CFAP91: variants seen among roughly 807,000 people sequenced by gnomAD.
CFAP91 encodes cilia and flagella associated protein 91, also known as cilia- and flagella-associated protein 91.
In CFAP91, 85 loss-of-function variants were observed where a neutral mutation model predicts 95.9. The ratio of observed to expected loss-of-function variants is 0.89; its 90% CI spans 0.74 to 1.06. The LOEUF is 1.06. Ranked by LOEUF, CFAP91 falls within the 50% of genes least tolerant of loss-of-function variation. The pLI is 0.00. For missense variants in CFAP91, 962 were observed against 943.4 expected, an observed-to-expected ratio of 1.02 and a Z score of -0.26; for synonymous variants, 335 against 327.5, an observed-to-expected ratio of 1.02 and a Z score of -0.25.
At chr3:119,731,765 A>G (rs1160458649) in intron 8 of CFAP91, among the ~76,000 whole-genome samples, 1 of 151,980 alleles carries the variant, frequency 6.6e-6, no homozygotes, top group East Asian at 1.9e-4. Flanking sequence ...GGCGAGCATG[A>G]CTCTTTAGAT....
rs1193912630 is a variant in CFAP91 at position 119,733,433 on chromosome 3, A to C, written c.1271A>C (p.Lys424Thr). 6 of 1,614,030 alleles carry C rather than the reference A, an allele frequency of 3.7e-6. No homozygotes were observed. The highest frequency in any genetic ancestry group is 1.6e-4 in the Middle Eastern group (1 of 6,084). The change falls in exon 10 of 18, where the codon AAA (lysine) becomes ACA (threonine). Residue 424 changes from lysine (K) to threonine (T), a missense_variant. Physicochemically the swap from Lys to Thr is moderately conservative, Grantham distance 78. Coordinates refer to ENST00000273390, the MANE Select transcript of CFAP91 (RefSeq NM_033364.4). Reference protein sequence around the residue: ...TQPQIRAPKPKVITTKAGFLK... With the variant: ...TQPQIRAPKPTVITTKAGFLK... ...CCCCAAATCAGAGCTCCAAAACCTA[A>C]AGTCATTACCACCAAAGCTGGTTTT... is the stretch of plus-strand genomic sequence containing the variant.
chr3:119,755,577 GA>G (rs2107918941), intron 17 of CFAP91, among the ~76,000 whole-genome samples: 2 of 152,214 alleles, frequency 1.3e-5, no homozygotes, highest in East Asian at 3.9e-4. Context: ...TAGATGACAG[GA>G]AGAGAACTCT....
At chr3:119,758,787 C>A (rs1441347944) in intron 17 of CFAP91, among the ~76,000 whole-genome samples, 1 of 152,002 alleles carries the variant, frequency 6.6e-6, no homozygotes, top group African/African-American at 2.4e-5. Context: ...AGGGAAAAAT[C>A]TCATTTTCAA....
In CFAP91 at chr3:119,766,025, A is replaced by C. The variant is rs779882550; in HGVS notation, c.*975A>C. 8 of 152,166 alleles carry C rather than the reference A, an allele frequency of 5.3e-5. No homozygotes were observed. The highest frequency in any genetic ancestry group is 1.2e-4 in the Non-Finnish European group (8 of 68,046). 9.4% of individuals were successfully genotyped at this position (152,166 alleles called of 1,614,324 possible). A position where few individuals can be genotyped will look rare whatever the true frequency, so the allele number is the denominator to read the frequency against. ...ATAGATGCAGGCTGAAAAGAAAAGG[A>C]AGTGGGCTAAGATGGGAAAAATATA... On this transcript the variant is annotated 3_prime_UTR_variant, in exon 18 of 18. Coordinates refer to ENST00000273390, the MANE Select transcript of CFAP91 (RefSeq NM_033364.4).
intron 6 of CFAP91, among the ~76,000 whole-genome samples, chr3:119,725,969 G>C (rs2053774191): frequency 6.6e-6 from 1 of 152,114 alleles, no homozygotes; most frequent in Admixed American, 6.5e-5. Flanking sequence ...ATGTCTTACG[G>C]CTCAATTACT....
chr3:119,708,210 G>A (rs969964239), intron 3 of CFAP91, among the ~76,000 whole-genome samples: 2 of 149,940 alleles, frequency 1.3e-5, no homozygotes, highest in Non-Finnish European at 2.9e-5. Flanking sequence ...GAACCCAGGA[G>A]GTGGAGATTG....
chr3:119,744,298 T>TACAGTAGGAACTCAA, intron 14 of CFAP91, 102 bp downstream of exon 14: 1 of 896,604 alleles, frequency 1.1e-6, no homozygotes, highest in Non-Finnish European at 1.7e-6. Flanking sequence ...TGTTTATGCA[T>TACAGTAGGAACTCAA]TGAGTTCCTA....
At chr3:119,748,238 C>G (rs1224371216) in intron 16 of CFAP91, among the ~76,000 whole-genome samples, 2 of 152,120 alleles carry the variant, frequency 1.3e-5, no homozygotes, top group East Asian at 3.8e-4. Context: ...AAGATTTTCA[C>G]ATTGTAGCAG....
intron 12 of CFAP91, 93 bp from the exon 13 acceptor site, chr3:119,740,456 A>T: frequency 7.0e-7 from 1 of 1,428,566 alleles, no homozygotes; most frequent in Non-Finnish European, 9.6e-7. Flanking sequence ...CCCACTGTTC[A>T]CAAGTGTCTC....
At chr3:119,761,551 A>C (rs916991865) in intron 17 of CFAP91, among the ~76,000 whole-genome samples, 1 of 152,002 alleles carries the variant, frequency 6.6e-6, no homozygotes, top group African/African-American at 2.4e-5. Flanking sequence ...AAGAAAAATT[A>C]CAGGCCAATA....
chr3:119,721,709 T>C (rs1022300683), intron 6 of CFAP91, among the ~76,000 whole-genome samples: 1 of 152,110 alleles, frequency 6.6e-6, no homozygotes, highest in Non-Finnish European at 1.5e-5. Flanking sequence ...ACTGAGTCAG[T>C]GCAGCAAGAT....
chr3:119,712,646 A>C (rs1454409461), intron 5 of CFAP91, among the ~76,000 whole-genome samples: 1 of 152,212 alleles, frequency 6.6e-6, no homozygotes, highest in Non-Finnish European at 1.5e-5. Context: ...CTTCAATAGC[A>C]GTTACAGTTC....
At chr3:119,730,959 G>A (rs1466173350) in intron 8 of CFAP91, among the ~76,000 whole-genome samples, 4 of 152,110 alleles carry the variant, frequency 2.6e-5, no homozygotes, top group Non-Finnish European at 4.4e-5. Context: ...ATTTAAGGCC[G>A]AGAGAGGTAG....
Position 119,747,322 on chromosome 3 carries a change from A to G in CFAP91, c.2051+59A>G, listed in dbSNP as rs1043039422. On this transcript the variant is annotated intron_variant, in intron 15 of 17. Transcript: ENST00000273390. ...AGCCCATTTGCTGGTACTCATATATATTTTTTCAAGAGCTTACAATTTCAC... is the reference window on the plus strand; with the variant it reads ...AGCCCATTTGCTGGTACTCATATATGTTTTTTCAAGAGCTTACAATTTCAC... 9.8e-5 allele frequency: 151 copies of G among 1,541,732 alleles called. No homozygotes were observed. In the African/African-American group the frequency reaches 2.0e-3, roughly 20 times the overall value.
chr3:119,707,102 T>C (rs2053379915), intron 2 of CFAP91: 1 of 552,656 alleles, frequency 1.8e-6, no homozygotes, highest in South Asian at 2.7e-5. Flanking sequence ...CATAAGCTAA[T>C]TTATTTCAAT....
At chr3:119,738,332 CTTTTTTTTTTTT>C (rs556125660) in intron 11 of CFAP91, among the ~76,000 whole-genome samples, 412 of 23,058 alleles carry the variant, frequency 0.018, 4 homozygotes, top group East Asian at 0.026. Flanking sequence ...GACATATTGT[CTTTTTTTTTTTT>C]TTTTTTTTTT....
chr3:119,754,053 G>A (rs1489439382), intron 17 of CFAP91, among the ~76,000 whole-genome samples: 5 of 152,236 alleles, frequency 3.3e-5, no homozygotes, highest in African/African-American at 1.2e-4. Context: ...ACCTAAACAT[G>A]TGGGAGTGGC....
At chr3:119,716,171 A>C (rs1044420742) in intron 6 of CFAP91, among the ~76,000 whole-genome samples, 1 of 152,228 alleles carries the variant, frequency 6.6e-6, no homozygotes, top group African/African-American at 2.4e-5. Context: ...CCTCCCTTAT[A>C]TACTTTATTA....
At position 119,739,242 on chromosome 3, in the gene CFAP91, T is replaced by C; in HGVS notation, c.1462-13T>C. The C allele has an allele frequency of 6.2e-7, 1 of 1,613,038 alleles. No individual in the cohort carries two copies. The highest frequency in any genetic ancestry group is 8.5e-7 in the Non-Finnish European group (1 of 1,178,998). On this transcript the variant is annotated splice_polypyrimidine_tract_variant and intron_variant, in intron 11 of 17. Transcript: ENST00000273390. Reference sequence around the variant, plus strand: ...AGTTCTCAAGCTGCTTGGTTCTCCCTTTGTTCTTTTAGGAAGAAGAAGAAA... The same window carrying C: ...AGTTCTCAAGCTGCTTGGTTCTCCCCTTGTTCTTTTAGGAAGAAGAAGAAA...
Sources: gnomAD v4.1 joint callset for allele counts (sites outside exome capture counted in the v4.1 genomes callset) on GRCh38, gnomAD v4.1.1 for gene constraint, MANE v1.5 for transcripts, NCBI Gene and HGNC (gene_info 2026-07-23, HGNC 2026-07-21) for gene names.